KHDRBS2: variants seen among roughly 807,000 people sequenced by gnomAD.
The protein encoded by KHDRBS2 is KH RNA binding domain containing, signal transduction associated 2.
KHDRBS2 carries 26 observed loss-of-function variants against 44.3 expected under a neutral mutation model. The observed-to-expected ratio is 0.59, with a 90% CI of 0.43 to 0.81. The LOEUF (loss-of-function observed/expected upper bound fraction) is 0.81. Ranked by LOEUF, KHDRBS2 falls within the 40% of genes least tolerant of loss-of-function variation. KHDRBS2 has a pLI of 0.00. For synonymous variants in KHDRBS2, 194 were observed against 151.1 expected (o/e 1.28, Z -2.08); for missense variants, 476 against 433.1 (o/e 1.10, Z -0.88).
At chr6:62,111,716 T>A (rs1805032237) in intron 2 of KHDRBS2, among the ~76,000 whole-genome samples, 1 of 151,956 alleles carries the variant, frequency 6.6e-6, no homozygotes, top group South Asian at 2.1e-4. Flanking sequence ...ACCCTATATC[T>A]ACAAAAAATT....
chr6:61,930,524 AAAAAAAAAAAAAAAAAAAAAAG>A (rs67750206), intron 4 of KHDRBS2, among the ~76,000 whole-genome samples: 25,293 of 61,134 alleles, frequency 0.41, 3,825 homozygotes, highest in East Asian at 0.5. Context: ...TACCGCCCCT[AAAAAAAAAAAAAAAAAAAAAAG>A]AAAAAAAAAA....
At chr6:62,250,754 T>A (rs938641678) in intron 1 of KHDRBS2, among the ~76,000 whole-genome samples, 1 of 151,922 alleles carries the variant, frequency 6.6e-6, no homozygotes, top group Non-Finnish European at 1.5e-5. Context: ...CATCACAGAC[T>A]CACAAGTTGT....
At chr6:61,955,314 A>G (rs540765506) in intron 4 of KHDRBS2, among the ~76,000 whole-genome samples, 62 of 147,150 alleles carry the variant, frequency 4.2e-4, no homozygotes, top group Non-Finnish European at 8.1e-4. Context: ...ATATATGTAT[A>G]CATATACGTG....
rs1768133576 is a variant in KHDRBS2 at position 61,698,192 on chromosome 6, C to G, written c.894-939G>C. Among the ~76,000 whole-genome samples the G allele has an allele frequency of 2.6e-5, 4 of 152,154 alleles. No homozygotes were observed. The South Asian group carries it at 8.3e-4, about 31-fold the overall frequency. On this transcript the variant is annotated intron_variant, in intron 7 of 8. Coordinates refer to ENST00000281156, the MANE Select transcript of KHDRBS2 (RefSeq NM_152688.4). ...GTTGATTATTTCATGATTCTGCAAA[C>G]ATTTCACTTGCTTCAGATATCTCCT...
chr6:61,572,836 T>G, the KHDRBS2 span, among the ~76,000 whole-genome samples: 1 of 152,106 alleles, frequency 6.6e-6, no homozygotes, highest in Non-Finnish European at 1.5e-5. Context: ...ATAAAAGCCA[T>G]CTATGAAAAA....
At chr6:61,564,086 A>T in the KHDRBS2 span, among the ~76,000 whole-genome samples, 1 of 152,118 alleles carries the variant, frequency 6.6e-6, no homozygotes, top group African/African-American at 2.4e-5. Context: ...GGAGAAAACA[A>T]GTAGTTGTCT....
intron 8 of KHDRBS2, among the ~76,000 whole-genome samples, chr6:61,693,422 T>C (rs1767579176): frequency 6.6e-6 from 1 of 152,144 alleles, no homozygotes; most frequent in Non-Finnish European, 1.5e-5. Context: ...CCTTGCTCTA[T>C]TGCCTGCATA....
intron 3 of KHDRBS2, among the ~76,000 whole-genome samples, chr6:62,028,051 C>A (rs1175046720): frequency 6.6e-6 from 1 of 152,036 alleles, no homozygotes; most frequent in African/African-American, 2.4e-5. Context: ...GAGGGGGGCA[C>A]TTCTGTGGGA....
chr6:61,545,385 CTTA>C, the KHDRBS2 span, among the ~76,000 whole-genome samples: 5 of 152,062 alleles, frequency 3.3e-5, no homozygotes, highest in South Asian at 1.0e-3. Context: ...AAGCCTTGTT[CTTA>C]TTATGTGGAT....
At chr6:62,046,481 G>A (rs1362748537) in intron 3 of KHDRBS2, among the ~76,000 whole-genome samples, 1 of 151,890 alleles carries the variant, frequency 6.6e-6, no homozygotes, top group East Asian at 1.9e-4. Context: ...ATGCTGGGGA[G>A]ATGATGACAA....
chr6:62,171,239 C>A (rs1443614196), intron 2 of KHDRBS2, among the ~76,000 whole-genome samples: 1 of 151,652 alleles, frequency 6.6e-6, no homozygotes, highest in African/African-American at 2.4e-5. Flanking sequence ...AAAAAAGAAC[C>A]AAGTAATCTG....
chr6:62,024,869 A>T (rs1403642659), intron 3 of KHDRBS2, among the ~76,000 whole-genome samples: 1 of 151,674 alleles, frequency 6.6e-6, no homozygotes, highest in Non-Finnish European at 1.5e-5. Flanking sequence ...AAAAGTATTT[A>T]TCATGGTCCT....
intron 2 of KHDRBS2, among the ~76,000 whole-genome samples, chr6:62,100,734 T>A (rs948602913): frequency 2.1e-4 from 32 of 152,194 alleles, no homozygotes; most frequent in Non-Finnish European, 4.3e-4. Context: ...GAAATAATAC[T>A]TTATACTTAA....
the KHDRBS2 span, among the ~76,000 whole-genome samples, chr6:61,595,427 CA>C: frequency 6.6e-6 from 1 of 152,096 alleles, no homozygotes; most frequent in East Asian, 1.9e-4. Flanking sequence ...CCCAACTTTT[CA>C]AAGTAGAAAT....
the KHDRBS2 span, among the ~76,000 whole-genome samples, chr6:61,582,114 TA>T: frequency 1.3e-5 from 2 of 151,836 alleles, no homozygotes; most frequent in African/African-American, 4.8e-5. Flanking sequence ...AGTTATGATC[TA>T]AAAGTTTTTA....
chr6:61,639,887 A>G, the KHDRBS2 span, among the ~76,000 whole-genome samples: 31,252 of 152,002 alleles, frequency 0.21, 3,558 homozygotes, highest in South Asian at 0.33. Context: ...ATGTCCAGAA[A>G]AAAGAAGAGG....
At chr6:61,805,989 T>C (rs1161329276) in intron 6 of KHDRBS2, among the ~76,000 whole-genome samples, 1 of 152,136 alleles carries the variant, frequency 6.6e-6, no homozygotes, top group Non-Finnish European at 1.5e-5. Flanking sequence ...GTGGTAGAGG[T>C]GGGATATGAA....
At chr6:62,091,776 T>C (rs926737810) in intron 2 of KHDRBS2, among the ~76,000 whole-genome samples, 70 of 152,248 alleles carry the variant, frequency 4.6e-4, no homozygotes, top group African/African-American at 1.6e-3. Context: ...GCTCCATGAG[T>C]CCTTGGACAA....
the KHDRBS2 span, among the ~76,000 whole-genome samples, chr6:61,650,159 C>G: frequency 6.6e-6 from 1 of 152,056 alleles, no homozygotes; most frequent in Non-Finnish European, 1.5e-5. Flanking sequence ...CCTTTTCTTC[C>G]TTCAGGTGTT....
Sources: allele counts gnomAD v4.1 joint callset (sites outside exome capture counted in the v4.1 genomes callset), GRCh38; gene constraint gnomAD v4.1.1; transcripts MANE v1.5; gene names NCBI Gene and HGNC (gene_info 2026-07-23, HGNC 2026-07-21).